The following NTM variants were observed in gnomAD, a reference collection of about 807,000 sequenced individuals.
The protein encoded by NTM is IgLON family member 2.
NTM carries 13 observed loss-of-function variants against 42.1 expected under a neutral mutation model. The observed-to-expected ratio is 0.31, with a 90% CI of 0.20 to 0.49. NTM has a LOEUF of 0.49. Among genes scored for constraint, NTM ranks in the 20% least tolerant of loss-of-function variants. The pLI is 0.99. For synonymous variants in NTM, 187 were observed against 179.2 expected (o/e 1.04, Z -0.35); for missense variants, 373 against 452.8 (o/e 0.82, Z 1.60).
intron 4 of NTM, among the ~76,000 whole-genome samples, chr11:132,258,937 T>C (rs1417976963): frequency 6.6e-6 from 1 of 152,200 alleles, no homozygotes; most frequent in African/African-American, 2.4e-5. Context: ...CACCCAATAG[T>C]TCTGTTTGGA....
chr11:131,563,579 C>CTTTTT lies in NTM; in HGVS notation c.82+192710_82+192714dup, dbSNP rs71911433. Among the ~76,000 whole-genome samples the CTTTTT allele has an allele frequency of 5.2e-3, 463 of 88,738 alleles. 13 individuals are homozygous for CTTTTT. Among genetic ancestry groups the CTTTTT allele is most frequent in the African/African-American group, 0.013 (283 of 21,844 alleles). The allele number at this position is 88,738 out of a possible 152,430, so 58.2% of individuals were successfully genotyped here. A position where few individuals can be genotyped will look rare whatever the true frequency, so the allele number is the denominator to read the frequency against. On this transcript the variant is annotated intron_variant, in intron 1 of 8. Coordinates refer to ENST00000683400, the MANE Select transcript of NTM (RefSeq NM_001352005.2). ...ATTTCTCCTGTGACAGCTCCAGACA[C>CTTTTT]TTTTTTTTTTTTTTTTTTTTTTTGG... is the stretch of plus-strand genomic sequence containing the variant.
chr11:131,744,230 T>C (rs2081524786), intron 1 of NTM, among the ~76,000 whole-genome samples: 1 of 152,230 alleles, frequency 6.6e-6, no homozygotes, highest in Non-Finnish European at 1.5e-5. Context: ...ATATGTAAAG[T>C]GCTAAGTATT....
At chr11:131,903,187 C>G (rs988679439) in intron 1 of NTM, among the ~76,000 whole-genome samples, 1 of 152,006 alleles carries the variant, frequency 6.6e-6, no homozygotes, top group Non-Finnish European at 1.5e-5. Flanking sequence ...GCAACCAGTC[C>G]AATAGATCTC....
chr11:131,650,360 C>T (rs1191510772), intron 1 of NTM, among the ~76,000 whole-genome samples: 1 of 152,168 alleles, frequency 6.6e-6, no homozygotes, highest in East Asian at 1.9e-4. Flanking sequence ...GGGGCCATTG[C>T]TTCTCCTACA....
chr11:132,147,480 C>T (rs1051641901), intron 3 of NTM, among the ~76,000 whole-genome samples: 7 of 152,230 alleles, frequency 4.6e-5, no homozygotes, highest in South Asian at 2.1e-4. Context: ...GAACTGTAAA[C>T]GTACTGACAT....
At chr11:131,848,546 T>G (rs189111772) in intron 1 of NTM, among the ~76,000 whole-genome samples, 1 of 152,310 alleles carries the variant, frequency 6.6e-6, no homozygotes, top group Non-Finnish European at 1.5e-5. Flanking sequence ...CATTCATGCT[T>G]TATAGCAGCC....
chr11:131,763,158 T>C (rs562533153), intron 1 of NTM, among the ~76,000 whole-genome samples: 1 of 152,152 alleles, frequency 6.6e-6, no homozygotes, highest in Non-Finnish European at 1.5e-5. Flanking sequence ...CACCTTTACA[T>C]AAAACCCAGG....
At chr11:131,839,021 C>T (rs1040656666) in intron 1 of NTM, among the ~76,000 whole-genome samples, 1 of 149,810 alleles carries the variant, frequency 6.7e-6, no homozygotes, top group Non-Finnish European at 1.5e-5. Flanking sequence ...AGTGCAATGG[C>T]GCAATCTCGG....
At chr11:132,148,619 A>G (rs1004807204) in intron 3 of NTM, among the ~76,000 whole-genome samples, 1 of 152,168 alleles carries the variant, frequency 6.6e-6, no homozygotes. Flanking sequence ...AAACTGGATC[A>G]TATTTTTGTC....
At chr11:132,292,807 A>C (rs538192115) in intron 4 of NTM, among the ~76,000 whole-genome samples, 29 of 150,258 alleles carry the variant, frequency 1.9e-4, no homozygotes, top group Non-Finnish European at 3.3e-4. Flanking sequence ...AAAAAAAAAA[A>C]AAAAAACTAA....
chr11:131,546,421 A>T (rs2053956280), intron 1 of NTM, among the ~76,000 whole-genome samples: 1 of 152,160 alleles, frequency 6.6e-6, no homozygotes, highest in South Asian at 2.1e-4. Context: ...TCCCATCGCA[A>T]GAGACCTGCT....
At chr11:131,741,363 C>A (rs1037792711) in intron 1 of NTM, among the ~76,000 whole-genome samples, 3 of 152,268 alleles carry the variant, frequency 2.0e-5, no homozygotes, top group Admixed American at 6.5e-5. Flanking sequence ...GCCTTCATCA[C>A]TGGGGGTCTG....
intron 4 of NTM, among the ~76,000 whole-genome samples, chr11:132,258,156 G>A (rs1054857837): frequency 2.6e-5 from 4 of 152,208 alleles, no homozygotes; most frequent in Admixed American, 2.0e-4. Flanking sequence ...GGAACATTCA[G>A]CTTAATGAGC....
intron 1 of NTM, among the ~76,000 whole-genome samples, chr11:131,456,818 G>A (rs762417058): frequency 5.9e-5 from 9 of 151,832 alleles, no homozygotes; most frequent in South Asian, 4.2e-4. Context: ...TTATATGGAC[G>A]GATCTCTGCT....
intron 1 of NTM, among the ~76,000 whole-genome samples, chr11:131,575,190 C>G (rs1016505373): frequency 7.6e-5 from 8 of 105,470 alleles, no homozygotes; most frequent in Admixed American, 1.9e-4. Flanking sequence ...CTTCAGCATA[C>G]AAAGGCTCTG....
At chr11:131,583,549 C>T (rs550967889) in intron 1 of NTM, among the ~76,000 whole-genome samples, 66 of 152,242 alleles carry the variant, frequency 4.3e-4, no homozygotes, top group African/African-American at 1.5e-3. Flanking sequence ...AGAGTAATCG[C>T]GCCTTACCTT....
intron 1 of NTM, among the ~76,000 whole-genome samples, chr11:131,661,858 A>G (rs2068135433): frequency 6.6e-6 from 1 of 152,218 alleles, no homozygotes; most frequent in African/African-American, 2.4e-5. Flanking sequence ...AGAGAGAGAA[A>G]CGTAAAACAT....
At position 132,041,538 on chromosome 11, in the gene NTM, G is replaced by A. The variant is rs140130251; in HGVS notation, c.168-104744G>A. On this transcript the variant is annotated intron_variant, in intron 2 of 8. Transcript: ENST00000683400. ...TCTCTGGGCATTAATGTGCTGACTTGTGGGATTATTAAACTATAATTCCCC... is the reference window on the plus strand; with the variant it reads ...TCTCTGGGCATTAATGTGCTGACTTATGGGATTATTAAACTATAATTCCCC... Among the ~76,000 whole-genome samples, 29 of 152,258 alleles carry A rather than the reference G, an allele frequency of 1.9e-4. No homozygotes were observed. In the East Asian group the frequency reaches 5.0e-3, roughly 26 times the overall value.
At chr11:131,823,256 G>T (rs1314120183) in intron 1 of NTM, among the ~76,000 whole-genome samples, 1 of 152,158 alleles carries the variant, frequency 6.6e-6, no homozygotes, top group Non-Finnish European at 1.5e-5. Flanking sequence ...AAAAGTAACT[G>T]CCCCTTAGGC....
Sources: gnomAD v4.1 joint callset for allele counts (sites outside exome capture counted in the v4.1 genomes callset) on GRCh38, gnomAD v4.1.1 for gene constraint, MANE v1.5 for transcripts, NCBI Gene and HGNC (gene_info 2026-07-23, HGNC 2026-07-21) for gene names.